EIF4E3: variants seen among roughly 807,000 people sequenced by gnomAD.
EIF4E3 encodes the protein eukaryotic translation initiation factor 4E family member 3.
EIF4E3 carries 26 observed loss-of-function variants against 31.7 expected under a neutral mutation model. The ratio of observed to expected loss-of-function variants is 0.82; its 90% CI spans 0.60 to 1.14. The LOEUF is 1.14. Ranked by LOEUF, EIF4E3 falls within the 50% of genes most tolerant of loss-of-function variation. The probability of loss-of-function intolerance (pLI) is 0.00; values close to 1 mark genes in which losing one functional copy is unlikely to be tolerated. For missense variants in EIF4E3, 304 were observed against 270.9 expected (o/e 1.12, Z -0.86); for synonymous variants, 128 against 107.7 (o/e 1.19, Z -1.17).
intron 1 of EIF4E3, among the ~76,000 whole-genome samples, chr3:71,716,334 G>A (rs1347140992): frequency 6.6e-6 from 1 of 152,034 alleles, no homozygotes; most frequent in East Asian, 1.9e-4. Context: ...CCGGGTTCAC[G>A]CCATTCTCCT....
upstream of EIF4E3, among the ~76,000 whole-genome samples, chr3:71,729,946 A>G (rs994070289): frequency 1.3e-5 from 2 of 152,008 alleles, no homozygotes; most frequent in African/African-American, 2.4e-5. Context: ...AGGGTGTGAT[A>G]CTATAAATAT....
At chr3:71,730,955 C>G (rs933653605) in intron 1 of EIF4E3, among the ~76,000 whole-genome samples, 1 of 152,150 alleles carries the variant, frequency 6.6e-6, no homozygotes, top group Non-Finnish European at 1.5e-5. Flanking sequence ...AACTCCTGGC[C>G]TCAAGTGATC....
chr3:71,673,565 C>A (rs1355674029), downstream of EIF4E3, among the ~76,000 whole-genome samples: 1 of 151,858 alleles, frequency 6.6e-6, no homozygotes, highest in Non-Finnish European at 1.5e-5. Context: ...AAAAAAAACA[C>A]CGCTTATGAC....
At chr3:71,713,147 C>A (rs144467874) in intron 1 of EIF4E3, among the ~76,000 whole-genome samples, 451 of 152,302 alleles carry the variant, frequency 3.0e-3, no homozygotes, top group Non-Finnish European at 4.3e-3. Context: ...GAGCCTCTGA[C>A]CTCCGTTGAA....
chr3:71,722,613 C>G (rs942070520), intron 1 of EIF4E3, among the ~76,000 whole-genome samples: 1 of 152,196 alleles, frequency 6.6e-6, no homozygotes, highest in South Asian at 2.1e-4. Flanking sequence ...CTTAACCATA[C>G]AGTCTAATTT....
At chr3:71,739,458 G>C (rs1244855930) in intron 1 of EIF4E3, among the ~76,000 whole-genome samples, 2 of 152,128 alleles carry the variant, frequency 1.3e-5, no homozygotes, top group Non-Finnish European at 2.9e-5. Context: ...TACTTTGGGA[G>C]GCCAAGGCCA....
At chr3:71,730,017 C>T (rs2049688324), upstream of EIF4E3, among the ~76,000 whole-genome samples, 1 of 152,118 alleles carries the variant, frequency 6.6e-6, no homozygotes, top group African/African-American at 2.4e-5. Context: ...AAAAGGAAGG[C>T]AATGGCCACT....
Position 71,676,205 on chromosome 3 carries a change from G to A in EIF4E3, c.*8477C>T, listed in dbSNP as rs2048874285. 1 of 152,184 alleles carries A rather than the reference G, an allele frequency of 6.6e-6. No homozygotes were observed. Among genetic ancestry groups the A allele is most frequent in the African/African-American group, 2.4e-5 (1 of 41,428 alleles). The allele number at this position is 152,184 out of a possible 1,614,324, so 9.4% of individuals were successfully genotyped here. ...TAAAAGACTTACAAATAAGTTTTCT[G>A]AACCAACGTTCATAGTTAGAGAAGA... On this transcript the variant is annotated 3_prime_UTR_variant, in exon 7 of 7. Coordinates refer to ENST00000425534, the MANE Select transcript of EIF4E3 (RefSeq NM_001134651.2).
At chr3:71,753,526 C>T (rs2049957706) in exon 1 of EIF4E3, 2 of 151,412 alleles carry the variant, frequency 1.3e-5, no homozygotes, top group South Asian at 4.1e-4. Flanking sequence ...CCGGCCGCCT[C>T]CCGACCCCGC....
chr3:71,752,745 G>T (rs941448406), intron 1 of EIF4E3, among the ~76,000 whole-genome samples: 1 of 152,172 alleles, frequency 6.6e-6, no homozygotes, highest in Non-Finnish European at 1.5e-5. Context: ...TAAGTGCTAA[G>T]AAGGAAATGA....
chr3:71,725,707 C>T (rs559889403), upstream of EIF4E3, among the ~76,000 whole-genome samples: 1 of 151,958 alleles, frequency 6.6e-6, no homozygotes, highest in Non-Finnish European at 1.5e-5. This position sits in a 1 kb window ranked among gnomAD's most constrained non-coding sequence, Gnocchi z 6.1. Flanking sequence ...TGAGAGGGAC[C>T]GGGGAACGGT....
At chr3:71,660,635 C>T in the EIF4E3 span, among the ~76,000 whole-genome samples, 163 of 152,290 alleles carry the variant, frequency 1.1e-3, no homozygotes, top group African/African-American at 3.7e-3. Flanking sequence ...TAAATACAAA[C>T]ACAGGTTCTA....
At chr3:71,747,140 T>C (rs1349600784) in intron 1 of EIF4E3, among the ~76,000 whole-genome samples, 14 of 152,218 alleles carry the variant, frequency 9.2e-5, no homozygotes, top group Admixed American at 9.2e-4. Context: ...CTTGGGTAAA[T>C]GCCTAGGCGT....
chr3:71,702,520 C>T (rs188037833), intron 2 of EIF4E3, among the ~76,000 whole-genome samples: 8 of 152,254 alleles, frequency 5.3e-5, no homozygotes, highest in Admixed American at 5.2e-4. Flanking sequence ...AAAGATCATG[C>T]TAAGGATTGG....
intron 1 of EIF4E3, among the ~76,000 whole-genome samples, chr3:71,720,708 T>C (rs1194056063): frequency 1.3e-5 from 2 of 152,092 alleles, no homozygotes; most frequent in Non-Finnish European, 2.9e-5. Flanking sequence ...ATAAGGCGTA[T>C]GTTTAGAAGG....
At chr3:71,738,978 GTATATATATATATATA>G (rs56982495) in intron 1 of EIF4E3, among the ~76,000 whole-genome samples, 15 of 95,808 alleles carry the variant, frequency 1.6e-4, no homozygotes, top group African/African-American at 2.0e-4. Flanking sequence ...AAATTGAACA[GTATATATATATATATA>G]TATATATATA....
At chr3:71,737,449 G>A (rs2049774791) in intron 1 of EIF4E3, among the ~76,000 whole-genome samples, 1 of 152,118 alleles carries the variant, frequency 6.6e-6, no homozygotes, top group South Asian at 2.1e-4. Flanking sequence ...AATTTTTACT[G>A]TAAGGTGGGT....
At position 71,750,787 on chromosome 3, in the gene EIF4E3, G is replaced by A. The variant is rs144085425; in HGVS notation, c.-291+2676C>T. Among the ~76,000 whole-genome samples the A allele has an allele frequency of 6.5e-3, 959 of 148,382 alleles. 11 individuals carry two copies. Among genetic ancestry groups the A allele is most frequent in the African/African-American group, 0.022 (908 of 40,448 alleles). The stretch of plus-strand genomic sequence containing the variant: ...ATTGGTTTTTTTTTTTTTTTGAGAC[G>A]GAGTCTCGCTCTGTTGCCCAGGCTG... On this transcript the variant is annotated intron_variant, in intron 1 of 7. Coordinates refer to the EIF4E3 transcript ENST00000295612.
the EIF4E3 span, among the ~76,000 whole-genome samples, chr3:71,660,200 A>G: frequency 1.2e-4 from 18 of 152,240 alleles, no homozygotes; most frequent in East Asian, 3.3e-3. Context: ...GAAGGTACCC[A>G]AGTGTTTGCC....
Sources: allele counts gnomAD v4.1 joint callset (sites outside exome capture counted in the v4.1 genomes callset), GRCh38; gene constraint gnomAD v4.1.1; non-coding constraint Gnocchi (gnomAD v3.1); transcripts MANE v1.5; gene names NCBI Gene and HGNC (gene_info 2026-07-23, HGNC 2026-07-21).